Variants in SLC4A10 observed in about 807,000 individuals in gnomAD.
SLC4A10 encodes the protein sodium-driven chloride bicarbonate exchanger.
SLC4A10 carries 42 observed loss-of-function variants against 137.7 expected under a neutral mutation model. The ratio of observed to expected loss-of-function variants is 0.30; its 90% CI spans 0.24 to 0.39. The LOEUF (loss-of-function observed/expected upper bound fraction) is 0.39. Ranked by LOEUF, SLC4A10 falls within the 10% of genes least tolerant of loss-of-function variation. The probability of loss-of-function intolerance (pLI) is 1.00; values close to 1 mark genes in which losing one functional copy is unlikely to be tolerated. For synonymous variants in SLC4A10, 474 were observed against 464.1 expected, an observed-to-expected ratio of 1.02 and a Z score of -0.27; for missense variants, 925 against 1,355.0, an observed-to-expected ratio of 0.68 and a Z score of 4.98.
At chr2:161,891,894 T>A (rs571821641) in intron 10 of SLC4A10, among the ~76,000 whole-genome samples, 1 of 152,190 alleles carries the variant, frequency 6.6e-6, no homozygotes, top group African/African-American at 2.4e-5. Flanking sequence ...TTTTGGAATT[T>A]TCAGCCTTTT....
chr2:161,822,518 C>T (rs763176146), intron 3 of SLC4A10, among the ~76,000 whole-genome samples: 36 of 152,100 alleles, frequency 2.4e-4, no homozygotes, highest in Non-Finnish European at 2.6e-4. Context: ...ATTCAAAGTA[C>T]TGATATTTTT....
intron 10 of SLC4A10, among the ~76,000 whole-genome samples, chr2:161,883,734 A>G (rs553366484): frequency 1.4e-3 from 206 of 152,188 alleles, no homozygotes; most frequent in African/African-American, 4.9e-3. Context: ...GCTTGTGGCA[A>G]TAGACCTTTG....
At chr2:161,657,469 C>A (rs1041960808) in intron 1 of SLC4A10, among the ~76,000 whole-genome samples, 1 of 151,912 alleles carries the variant, frequency 6.6e-6, no homozygotes, top group Non-Finnish European at 1.5e-5. Flanking sequence ...GTTATTATAA[C>A]CTACTCTTCA....
chr2:161,830,982 G>T (rs556461045), intron 3 of SLC4A10, among the ~76,000 whole-genome samples: 1 of 152,186 alleles, frequency 6.6e-6, no homozygotes, highest in Admixed American at 6.5e-5. Context: ...AAGATGATTA[G>T]GTAGGTGTGC....
chr2:161,786,208 T>C (rs1343187513), intron 2 of SLC4A10, among the ~76,000 whole-genome samples: 1 of 151,942 alleles, frequency 6.6e-6, no homozygotes, highest in Non-Finnish European at 1.5e-5. Context: ...ATTATTGGTA[T>C]AAATTCTGTT....
chr2:161,850,746 G>A (rs1023024395), intron 4 of SLC4A10, among the ~76,000 whole-genome samples: 2 of 151,974 alleles, frequency 1.3e-5, no homozygotes, highest in African/African-American at 4.8e-5. Flanking sequence ...CTTTTCTTCT[G>A]TTATATTTGG....
chr2:161,708,805 G>A (rs1235728292), intron 1 of SLC4A10: 2 of 1,532,600 alleles, frequency 1.3e-6, no homozygotes, highest in Non-Finnish European at 1.7e-6. Context: ...GAACCTGTGA[G>A]CCTTTTCAAT....
chr2:161,756,283 A>T (rs1482625480), intron 1 of SLC4A10, among the ~76,000 whole-genome samples: 2 of 152,208 alleles, frequency 1.3e-5, no homozygotes, highest in East Asian at 3.8e-4. Flanking sequence ...GAGAAATTAC[A>T]TACAAATCTA....
At chr2:161,748,619 C>T (rs911399136) in intron 1 of SLC4A10, among the ~76,000 whole-genome samples, 8 of 152,158 alleles carry the variant, frequency 5.3e-5, no homozygotes, top group African/African-American at 1.9e-4. Flanking sequence ...CTGGACTTTA[C>T]ACTCTGTTCC....
At chr2:161,919,943 C>T (rs576068737) in intron 15 of SLC4A10, among the ~76,000 whole-genome samples, 116 of 152,330 alleles carry the variant, frequency 7.6e-4, no homozygotes, top group African/African-American at 2.3e-3. Flanking sequence ...GGTGCCACCA[C>T]GTTCCCCAGA....
intron 9 of SLC4A10, among the ~76,000 whole-genome samples, chr2:161,881,447 T>G (rs558000417): frequency 5.9e-5 from 9 of 152,160 alleles, no homozygotes; most frequent in African/African-American, 1.4e-4. Context: ...TACAATTGTG[T>G]AATATTTGCC....
chr2:161,970,008 G>A (rs900628085), intron 23 of SLC4A10, among the ~76,000 whole-genome samples: 2 of 152,150 alleles, frequency 1.3e-5, no homozygotes, highest in Admixed American at 1.3e-4. Flanking sequence ...AACCTAGAAT[G>A]CAAATTCTTG....
intron 1 of SLC4A10, among the ~76,000 whole-genome samples, chr2:161,638,089 C>T (rs939873835): frequency 6.6e-6 from 1 of 151,986 alleles, no homozygotes; most frequent in Non-Finnish European, 1.5e-5. Context: ...TGTCTTTTTG[C>T]TCTGTTTATT....
chr2:161,913,666 C>T (rs1686397108), intron 15 of SLC4A10, among the ~76,000 whole-genome samples: 2 of 152,180 alleles, frequency 1.3e-5, no homozygotes, highest in Admixed American at 1.3e-4. Context: ...GTTATGACTT[C>T]TGACCTACCA....
At chr2:161,976,654 A>G in intron 24 of SLC4A10, 106 bp from the exon 25 acceptor site, 1 of 520,532 alleles carries the variant, frequency 1.9e-6, no homozygotes, top group Non-Finnish European at 3.3e-6. Context: ...ATTGGGAAAA[A>G]TATTCTTCAT....
intron 15 of SLC4A10, among the ~76,000 whole-genome samples, chr2:161,919,464 C>T (rs1237354498): frequency 1.3e-5 from 2 of 152,100 alleles, no homozygotes; most frequent in Admixed American, 6.5e-5. Flanking sequence ...ACTTCTTCCC[C>T]TCTGGAGCCC....
rs2059345379 is a variant in SLC4A10 at position 161,844,026 on chromosome 2, T to G, written c.416+4099T>G. Among the ~76,000 whole-genome samples the G allele has an allele frequency of 2.0e-5, 3 of 152,062 alleles. No individual in the cohort carries two copies. The South Asian group carries it at 6.2e-4, about 31-fold the overall frequency. On this transcript the variant is annotated intron_variant, in intron 4 of 26. Coordinates refer to ENST00000446997, the MANE Select transcript of SLC4A10 (RefSeq NM_001178015.2). ...AAGAGACTAATGAAATCAACACAAT[T>G]ACAATGTCCTGCTTATAAATAACAT...
intron 13 of SLC4A10, 97 bp downstream of exon 13, chr2:161,904,275 G>C (rs1683804741): frequency 7.8e-7 from 1 of 1,275,790 alleles, no homozygotes; most frequent in Middle Eastern, 2.0e-4. Flanking sequence ...CTTTTCTGAG[G>C]AGAGATTTGA....
chr2:161,820,969 A>T (rs1365782634), intron 3 of SLC4A10, among the ~76,000 whole-genome samples: 1 of 152,164 alleles, frequency 6.6e-6, no homozygotes, highest in African/African-American at 2.4e-5. Context: ...TTCTTTTAAC[A>T]TTAGCCATTC....
Sources: allele counts gnomAD v4.1 joint callset (sites outside exome capture counted in the v4.1 genomes callset), GRCh38; gene constraint gnomAD v4.1.1; transcripts MANE v1.5; gene names NCBI Gene and HGNC (gene_info 2026-07-23, HGNC 2026-07-21).